Variants in STPG2 observed in about 807,000 individuals in gnomAD.
The protein encoded by STPG2 is sperm tail PG-rich repeat containing 2.
In STPG2, 56 loss-of-function variants were observed where a neutral mutation model predicts 54.2. The observed-to-expected ratio is 1.03, with a 90% CI of 0.83 to 1.29. The LOEUF (loss-of-function observed/expected upper bound fraction) is 1.29. STPG2 is among the 50% of genes most tolerant of loss of function. STPG2 has a pLI of 0.00. For missense variants in STPG2, 596 were observed against 544.9 expected, an observed-to-expected ratio of 1.09 and a Z score of -0.93; for synonymous variants, 200 against 181.8, an observed-to-expected ratio of 1.10 and a Z score of -0.81.
At position 97,894,369 on chromosome 4, in the gene STPG2, T is replaced by A. The variant is rs182921747; in HGVS notation, c.1044+49528A>T. Among the ~76,000 whole-genome samples the A allele has an allele frequency of 2.1e-3, 321 of 152,076 alleles. 3 individuals are homozygous for A. The highest frequency in any genetic ancestry group is 9.8e-4 in the Admixed American group (15 of 15,244). The stretch of plus-strand genomic sequence containing the variant: ...CGAAAAAATACAATGTAGTACAATT[T>A]CCCATTGTAACTACTCTGAATATAG... On this transcript the variant is annotated intron_variant, in intron 8 of 10. Transcript: ENST00000295268.
At chr4:97,712,260 A>G (rs1191320894) in intron 10 of STPG2, among the ~76,000 whole-genome samples, 4 of 152,162 alleles carry the variant, frequency 2.6e-5, no homozygotes, top group Admixed American at 2.6e-4. Flanking sequence ...TTTATTTATT[A>G]TGAACTTAAA....
chr4:97,757,192 C>T (rs1725756886), intron 9 of STPG2, among the ~76,000 whole-genome samples: 1 of 152,170 alleles, frequency 6.6e-6, no homozygotes, highest in Admixed American at 6.5e-5. Flanking sequence ...TATGGTCCCT[C>T]TTATTTACAA....
chr4:97,743,400 A>C (rs1384552499), intron 9 of STPG2, among the ~76,000 whole-genome samples: 1 of 151,750 alleles, frequency 6.6e-6, no homozygotes, highest in Non-Finnish European at 1.5e-5. Context: ...TCTTTCACTT[A>C]CATAGACTTA....
chr4:97,481,962 T>A (rs969862769), intron 4 of STPG2, among the ~76,000 whole-genome samples: 12 of 151,776 alleles, frequency 7.9e-5, no homozygotes, highest in African/African-American at 2.6e-4. Context: ...AACAAATACA[T>A]TGATCTGTAA....
chr4:97,793,052 G>A (rs1014322612), intron 9 of STPG2, among the ~76,000 whole-genome samples: 2 of 152,058 alleles, frequency 1.3e-5, no homozygotes, highest in African/African-American at 2.4e-5. Flanking sequence ...TGCTTGGGAC[G>A]CTGAGGCAGG....
chr4:97,468,915 T>TC (rs1303564932), intron 4 of STPG2, among the ~76,000 whole-genome samples: 1 of 151,842 alleles, frequency 6.6e-6, no homozygotes, highest in Non-Finnish European at 1.5e-5. Flanking sequence ...ACACAAGCTC[T>TC]CCCCCCTTGA....
intron 5 of STPG2, among the ~76,000 whole-genome samples, chr4:98,076,897 CTACTAT>C (rs1238437140): frequency 2.0e-5 from 3 of 152,068 alleles, no homozygotes; most frequent in Admixed American, 1.3e-4. Context: ...AGAATTGTTG[CTACTAT>C]TACTAATATG....
chr4:97,659,764 A>G (rs924816912), intron 10 of STPG2, among the ~76,000 whole-genome samples: 1 of 152,184 alleles, frequency 6.6e-6, no homozygotes, highest in Non-Finnish European at 1.5e-5. Flanking sequence ...TACATAATAA[A>G]TAGTAAGTGG....
intron 4 of STPG2, among the ~76,000 whole-genome samples, chr4:97,539,138 C>A (rs1187297944): frequency 6.6e-6 from 1 of 152,116 alleles, no homozygotes; most frequent in Non-Finnish European, 1.5e-5. Flanking sequence ...CATCAACTAA[C>A]GAGCAAAATA....
At chr4:97,813,314 G>A (rs899192526) in intron 9 of STPG2, among the ~76,000 whole-genome samples, 9 of 151,972 alleles carry the variant, frequency 5.9e-5, no homozygotes, top group South Asian at 2.1e-4. Flanking sequence ...AGGATCATTC[G>A]TGCAACAAGC....
intron 10 of STPG2, among the ~76,000 whole-genome samples, chr4:97,583,652 T>A (rs1732920396): frequency 6.6e-6 from 1 of 151,668 alleles, no homozygotes; most frequent in Non-Finnish European, 1.5e-5. Context: ...GCATACAAAC[T>A]CACATAAACT....
intron 10 of STPG2, among the ~76,000 whole-genome samples, chr4:97,710,120 A>T (rs1046033764): frequency 6.6e-6 from 1 of 151,566 alleles, no homozygotes; most frequent in African/African-American, 2.4e-5. Flanking sequence ...TTGTATGCAC[A>T]TTTTTTATGA....
intron 10 of STPG2, among the ~76,000 whole-genome samples, chr4:97,584,237 A>T (rs1243448249): frequency 2.6e-5 from 4 of 152,040 alleles, no homozygotes; most frequent in Non-Finnish European, 5.9e-5. Flanking sequence ...AACCCTCAAA[A>T]TTATACAAAT....
chr4:97,905,473 G>A (rs1445909640), intron 8 of STPG2, among the ~76,000 whole-genome samples: 2 of 151,736 alleles, frequency 1.3e-5, no homozygotes, highest in Non-Finnish European at 2.9e-5. Flanking sequence ...ACATGGAAAG[G>A]AACAACCGGT....
chr4:97,902,756 A>T (rs1487040321), intron 8 of STPG2, among the ~76,000 whole-genome samples: 1 of 152,198 alleles, frequency 6.6e-6, no homozygotes, highest in Non-Finnish European at 1.5e-5. Context: ...AAATATTAAA[A>T]ATAGAACTAC....
intron 10 of STPG2, chr4:97,572,753 A>T (rs1230926613): frequency 6.6e-6 from 1 of 152,130 alleles, no homozygotes; most frequent in Non-Finnish European, 1.5e-5. Flanking sequence ...TTTAGCACTG[A>T]ACACTAAAAC....
chr4:98,113,529 C>T (rs184655931), intron 3 of STPG2, among the ~76,000 whole-genome samples: 1 of 152,032 alleles, frequency 6.6e-6, no homozygotes, highest in East Asian at 1.9e-4. Context: ...TCTCAGTGGG[C>T]TTGAATTATT....
chr4:97,718,680 A>G (rs909687021), intron 9 of STPG2, among the ~76,000 whole-genome samples: 5 of 151,988 alleles, frequency 3.3e-5, no homozygotes, highest in Non-Finnish European at 5.9e-5. Context: ...TATTTCAGTA[A>G]CCTTTGTCCT....
intron 8 of STPG2, among the ~76,000 whole-genome samples, chr4:97,931,919 G>T (rs1268359230): frequency 6.6e-6 from 1 of 151,936 alleles, no homozygotes; most frequent in Non-Finnish European, 1.5e-5. Flanking sequence ...TTCAATTTCA[G>T]AACTCATTAT....
Sources: allele counts gnomAD v4.1 joint callset (sites outside exome capture counted in the v4.1 genomes callset), GRCh38; gene constraint gnomAD v4.1.1; transcripts MANE v1.5; gene names NCBI Gene and HGNC (gene_info 2026-07-23, HGNC 2026-07-21).